The following C12orf56 variants were observed in gnomAD, a reference collection of about 807,000 sequenced individuals.
C12orf56 encodes chromosome 12 open reading frame 56, also known as uncharacterized protein C12orf56.
In C12orf56, 71 loss-of-function variants were observed where a neutral mutation model predicts 69.9. That is an observed-to-expected ratio of 1.02 (90% CI 0.84 to 1.24). C12orf56 has a LOEUF of 1.24. Among genes scored for constraint, C12orf56 ranks in the 50% most tolerant of loss-of-function variants. The pLI is 0.00. For missense variants in C12orf56, 732 were observed against 738.5 expected, an observed-to-expected ratio of 0.99 and a Z score of 0.10; for synonymous variants, 276 against 274.1, an observed-to-expected ratio of 1.01 and a Z score of -0.07.
chr12:64,384,706 G>A (rs1460739697), intron 1 of C12orf56, among the ~76,000 whole-genome samples: 1 of 152,152 alleles, frequency 6.6e-6, no homozygotes, highest in Non-Finnish European at 1.5e-5. Context: ...GGATTTGAAG[G>A]ACAGTGATCT....
intron 2 of C12orf56, among the ~76,000 whole-genome samples, chr12:64,341,647 C>G (rs2039076113): frequency 6.6e-6 from 1 of 152,160 alleles, no homozygotes; most frequent in African/African-American, 2.4e-5. Context: ...AGATGGTAGT[C>G]TTGGCAGAAG....
At chr12:64,377,868 TA>T (rs1219800330) in intron 1 of C12orf56, among the ~76,000 whole-genome samples, 1 of 152,182 alleles carries the variant, frequency 6.6e-6, no homozygotes, top group African/African-American at 2.4e-5. Context: ...AATTTTTTTT[TA>T]TGATCTACTA....
chr12:64,286,366 T>C (rs2038201773), intron 6 of C12orf56, among the ~76,000 whole-genome samples: 1 of 152,210 alleles, frequency 6.6e-6, no homozygotes, highest in Admixed American at 6.5e-5. Context: ...AGGCAACTCA[T>C]CCAGTCACCT....
chr12:64,388,052 C>T (rs1201896963), intron 1 of C12orf56, among the ~76,000 whole-genome samples: 1 of 152,090 alleles, frequency 6.6e-6, no homozygotes, highest in Non-Finnish European at 1.5e-5. Context: ...TCACTGCAAC[C>T]TCTGTCTCCC....
chr12:64,278,021 G>A (rs543550073), intron 8 of C12orf56, among the ~76,000 whole-genome samples: 2 of 152,290 alleles, frequency 1.3e-5, no homozygotes, highest in South Asian at 4.2e-4. Flanking sequence ...CTCAGAGCGA[G>A]TGTAGTTCTA....
chr12:64,319,107 G>T, intron 3 of C12orf56, 127 bp from the exon 4 acceptor site: 1 of 919,174 alleles, frequency 1.1e-6, no homozygotes, highest in Non-Finnish European at 1.5e-6. Flanking sequence ...AAACAAGGAA[G>T]TCATTGAACC....
At chr12:64,317,487 G>A (rs112263666) in intron 4 of C12orf56, among the ~76,000 whole-genome samples, 4,724 of 152,160 alleles carry the variant, frequency 0.031, 243 homozygotes, top group African/African-American at 0.11. Flanking sequence ...TCGGCCAGGC[G>A]TGGTGGCTCA....
At chr12:64,308,917 AAAG>A (rs1491572344) in intron 5 of C12orf56, among the ~76,000 whole-genome samples, 1 of 68,746 alleles carries the variant, frequency 1.5e-5, no homozygotes, top group Non-Finnish European at 2.9e-5. Flanking sequence ...AGAAAGAAAG[AAAG>A]AAAGAAAGAA....
In C12orf56 at chr12:64,390,562, C is replaced by T. The variant is rs1422577952; in HGVS notation, c.4G>A (p.Ala2Thr). Residue 2 changes from alanine (A) to threonine (T), a missense_variant, in exon 1 of 13, where the codon GCC (alanine) becomes ACC (threonine). Ala to Thr is a moderately conservative substitution (Grantham distance 58). Transcript: ENST00000543942. Reference sequence around the variant, plus strand: ...GGGAAGCCGGACGGCAAGGGGCTGGCCATGCCCGGCGCCCGCAGCGTGGCG... The same window carrying T: ...GGGAAGCCGGACGGCAAGGGGCTGGTCATGCCCGGCGCCCGCAGCGTGGCG... M[A>T]SPLPSGFPAR... The T allele has an allele frequency of 5.7e-6, 9 of 1,570,344 alleles. No individual in the cohort carries two copies. Among genetic ancestry groups the T allele is most frequent in the Non-Finnish European group, 6.9e-6 (8 of 1,164,306 alleles).
intron 2 of C12orf56, chr12:64,338,217 C>A: frequency 1.8e-6 from 1 of 571,416 alleles, no homozygotes; most frequent in South Asian, 1.4e-5. Flanking sequence ...ACAAGCCCCC[C>A]GACTTCTGGC....
chr12:64,341,225 T>C (rs375405990), intron 2 of C12orf56, among the ~76,000 whole-genome samples: 2 of 152,140 alleles, frequency 1.3e-5, no homozygotes, highest in Admixed American at 1.3e-4. Context: ...GCTAGCAGAA[T>C]GTAATGTCAT....
Position 64,265,817 on chromosome 12 carries a change from T to C in C12orf56, c.*1366A>G, listed in dbSNP as rs1021492355. On this transcript the variant is annotated 3_prime_UTR_variant, in exon 13 of 13. Transcript: ENST00000543942. ...GTCCAAATTCAACACCTCACGGTGA[T>C]GCCAAAGTTAAGTATTTGTGGAATT... 6.6e-6 allele frequency: 1 copy of C among 152,252 alleles called. No individual in the cohort carries two copies. The highest frequency in any genetic ancestry group is 1.5e-5 in the Non-Finnish European group (1 of 68,050). 9.4% of individuals were successfully genotyped at this position (152,252 alleles called of 1,614,324 possible). A position where few individuals can be genotyped will look rare whatever the true frequency, so the allele number is the denominator to read the frequency against.
intron 8 of C12orf56, among the ~76,000 whole-genome samples, chr12:64,284,277 T>C (rs2038170309): frequency 6.6e-6 from 1 of 152,236 alleles, no homozygotes; most frequent in African/African-American, 2.4e-5. Flanking sequence ...CACACGATTA[T>C]ATTGTAAATG....
chr12:64,274,081 CCT>C (rs1400011648), intron 11 of C12orf56, among the ~76,000 whole-genome samples: 2 of 152,320 alleles, frequency 1.3e-5, no homozygotes, highest in African/African-American at 4.8e-5. Context: ...GGGAATCTCC[CCT>C]GTCACGGGGG....
chr12:64,359,793 A>G (rs1206986677), intron 1 of C12orf56, among the ~76,000 whole-genome samples: 1 of 152,080 alleles, frequency 6.6e-6, no homozygotes, highest in Non-Finnish European at 1.5e-5. Flanking sequence ...GGCTCACTGC[A>G]ACCTCCTCTT....
At chr12:64,308,439 GTTTC>G (rs2038545258) in intron 5 of C12orf56, among the ~76,000 whole-genome samples, 1 of 152,042 alleles carries the variant, frequency 6.6e-6, no homozygotes, top group Admixed American at 6.6e-5. Context: ...TGCTTGTTAT[GTTTC>G]TTAAGTCTTT....
At chr12:64,339,918 G>A (rs1009582175) in intron 2 of C12orf56, among the ~76,000 whole-genome samples, 1 of 152,010 alleles carries the variant, frequency 6.6e-6, no homozygotes, top group Admixed American at 6.6e-5. Context: ...AGCCCAATGT[G>A]TCCAGGTGGA....
chr12:64,338,726 G>A (rs956007031), intron 2 of C12orf56: 2 of 1,509,168 alleles, frequency 1.3e-6, no homozygotes, highest in Non-Finnish European at 1.8e-6. Context: ...TTTCTCATTG[G>A]CTTCTTGTTC....
chr12:64,343,933 T>A (rs11504175), intron 2 of C12orf56, among the ~76,000 whole-genome samples: 66,059 of 151,664 alleles, frequency 0.44, 14,678 homozygotes, highest in Admixed American at 0.56. Context: ...CCAATTATGC[T>A]GTCTGGCACT....
Sources: allele counts gnomAD v4.1 joint callset (sites outside exome capture counted in the v4.1 genomes callset), GRCh38; gene constraint gnomAD v4.1.1; transcripts MANE v1.5; gene names NCBI Gene and HGNC (gene_info 2026-07-23, HGNC 2026-07-21).